The following SLC24A4 variants were observed in gnomAD, a reference collection of about 807,000 sequenced individuals.
The protein encoded by SLC24A4 is sodium/potassium/calcium exchanger 4.
SLC24A4 carries 53 observed loss-of-function variants against 79.0 expected under a neutral mutation model. The ratio of observed to expected loss-of-function variants is 0.67; its 90% confidence interval spans 0.54 to 0.84. The LOEUF (loss-of-function observed/expected upper bound fraction) is 0.84. SLC24A4 is among the 40% of genes least tolerant of loss of function. SLC24A4 has a pLI of 0.00. For synonymous variants in SLC24A4, 323 were observed against 323.8 expected (o/e 1.00, Z 0.03); for missense variants, 731 against 822.0 (o/e 0.89, Z 1.35).
At chr14:92,350,525 C>T (rs998876222) in intron 2 of SLC24A4, among the ~76,000 whole-genome samples, 6 of 152,098 alleles carry the variant, frequency 3.9e-5, no homozygotes, top group African/African-American at 1.4e-4. Flanking sequence ...CCCTAAGGAC[C>T]CCAGGATACA....
At chr14:92,447,283 G>C (rs959398389) in intron 8 of SLC24A4, 88 bp from the exon 9 acceptor site, 8 of 1,206,678 alleles carry the variant, frequency 6.6e-6, no homozygotes, top group Non-Finnish European at 7.3e-6. Flanking sequence ...AAGACATCCC[G>C]CCCTTCCCCA....
At chr14:92,366,939 C>T (rs1188886703) in intron 2 of SLC24A4, among the ~76,000 whole-genome samples, 1 of 152,164 alleles carries the variant, frequency 6.6e-6, no homozygotes, top group African/African-American at 2.4e-5. Flanking sequence ...AGGACTAGAA[C>T]GGGGTGTCTT....
chr14:92,491,059 C>T (rs1329781841), intron 14 of SLC24A4, among the ~76,000 whole-genome samples: 4 of 152,172 alleles, frequency 2.6e-5, no homozygotes, highest in Non-Finnish European at 4.4e-5. Context: ...ACACATTGTT[C>T]GAGTCACCCC....
At chr14:92,464,788 C>A (rs1467065803) in intron 12 of SLC24A4, among the ~76,000 whole-genome samples, 1 of 152,252 alleles carries the variant, frequency 6.6e-6, no homozygotes, top group South Asian at 2.1e-4. Context: ...CGTCCCCTTA[C>A]ACGGGCGTTG....
At chr14:92,448,434 C>T (rs936688899) in intron 9 of SLC24A4, among the ~76,000 whole-genome samples, 4 of 150,094 alleles carry the variant, frequency 2.7e-5, no homozygotes, top group East Asian at 2.0e-4. Flanking sequence ...CCTCATACCG[C>T]GATACGTAAT....
At chr14:92,417,874 G>A (rs1029036326) in intron 2 of SLC24A4, among the ~76,000 whole-genome samples, 4 of 152,206 alleles carry the variant, frequency 2.6e-5, no homozygotes, top group African/African-American at 9.7e-5. Flanking sequence ...ATCTAGGATT[G>A]TGTAAGTGTA....
chr14:92,416,387 A>G (rs1157211250), intron 2 of SLC24A4, among the ~76,000 whole-genome samples: 1 of 152,166 alleles, frequency 6.6e-6, no homozygotes, highest in East Asian at 1.9e-4. Flanking sequence ...GGAAATGGTG[A>G]TCAGGTGGCT....
intron 2 of SLC24A4, among the ~76,000 whole-genome samples, chr14:92,428,376 T>C (rs1352340080): frequency 6.6e-6 from 1 of 152,190 alleles, no homozygotes; most frequent in African/African-American, 2.4e-5. Flanking sequence ...AGGACTGGGC[T>C]GTATGACCCT....
chr14:92,370,325 G>T (rs1420549930), intron 2 of SLC24A4, among the ~76,000 whole-genome samples: 2 of 152,176 alleles, frequency 1.3e-5, no homozygotes, highest in African/African-American at 4.8e-5. Flanking sequence ...TTTCGAGTCT[G>T]GCCTCTGTGG....
intron 12 of SLC24A4, among the ~76,000 whole-genome samples, chr14:92,474,577 C>T (rs976945319): frequency 2.0e-5 from 3 of 151,360 alleles, no homozygotes; most frequent in African/African-American, 4.9e-5. Flanking sequence ...CTCCACATCC[C>T]GGATTCAAGC....
Position 92,398,759 on chromosome 14 carries a change from A to G in SLC24A4, c.242-35153A>G, listed in dbSNP as rs924889876. ...GGAAATTACCAGCATGTCCTCTCAAACACCTCCTGCCCTCAGTGGAAACCC... is the reference window on the plus strand; with the variant it reads ...GGAAATTACCAGCATGTCCTCTCAAGCACCTCCTGCCCTCAGTGGAAACCC... On this transcript the variant is annotated intron_variant, in intron 2 of 16. Coordinates refer to ENST00000532405, the MANE Select transcript of SLC24A4 (RefSeq NM_153646.4). This position sits in a 1 kb window ranked among gnomAD's most constrained non-coding sequence, Gnocchi z 4.1. Among the ~76,000 whole-genome samples the G allele has an allele frequency of 6.6e-6, 1 of 152,086 alleles. No homozygotes were observed. Among genetic ancestry groups the G allele is most frequent in the Non-Finnish European group, 1.5e-5 (1 of 68,006 alleles).
chr14:92,428,720 G>T (rs1188095967), intron 2 of SLC24A4, among the ~76,000 whole-genome samples: 1 of 152,220 alleles, frequency 6.6e-6, no homozygotes, highest in Non-Finnish European at 1.5e-5. Context: ...GGTCACATGG[G>T]CAGAAGAGGG....
Position 92,456,577 on chromosome 14 carries a change from GGCTGACT to G in SLC24A4, c.1225_1231del (p.Ala409SerfsTer65). 6.2e-7 allele frequency: 1 copy of G among 1,613,918 alleles called. No homozygotes were observed. Among genetic ancestry groups the G allele is most frequent in the Non-Finnish European group, 8.5e-7 (1 of 1,179,936 alleles). ...CACCGCCAGAGCCAGAGCCGGTGGA[GGCTGACT>G]TCCTGTCCCCCTTCTCCGTGCCGGG... On this transcript the variant is annotated frameshift_variant, in exon 12 of 17. Coordinates refer to ENST00000532405, the MANE Select transcript of SLC24A4 (RefSeq NM_153646.4). LOFTEE classifies it high-confidence loss of function.
intron 13 of SLC24A4, among the ~76,000 whole-genome samples, chr14:92,483,365 A>G (rs1319349250): frequency 7.2e-5 from 11 of 152,146 alleles, no homozygotes; most frequent in Non-Finnish European, 1.6e-4. Context: ...TATTATCTCC[A>G]TCTAACGAAT....
chr14:92,439,029 G>A (rs990874075), intron 3 of SLC24A4, among the ~76,000 whole-genome samples: 1 of 152,214 alleles, frequency 6.6e-6, no homozygotes, highest in Non-Finnish European at 1.5e-5. Context: ...CGAGAATTGT[G>A]TGCCAGAAAC....
intron 12 of SLC24A4, among the ~76,000 whole-genome samples, chr14:92,464,008 A>C (rs1893960975): frequency 6.6e-6 from 1 of 152,212 alleles, no homozygotes; most frequent in Non-Finnish European, 1.5e-5. Context: ...TGAATATTCC[A>C]TTGGATGGAT....
At chr14:92,443,539 C>T in intron 7 of SLC24A4, 65 bp downstream of exon 7, 2 of 1,489,950 alleles carry the variant, frequency 1.3e-6, no homozygotes, top group South Asian at 1.1e-5. Context: ...AGGACCCCTG[C>T]CCATCTCTGC....
At chr14:92,333,152 G>A (rs1885575867) in intron 2 of SLC24A4, among the ~76,000 whole-genome samples, 1 of 152,160 alleles carries the variant, frequency 6.6e-6, no homozygotes, top group Non-Finnish European at 1.5e-5. Context: ...AGAGTGCGCT[G>A]GTGCGATCTC....
intron 2 of SLC24A4, among the ~76,000 whole-genome samples, chr14:92,351,167 G>A (rs1290564492): frequency 6.6e-6 from 1 of 151,854 alleles, no homozygotes; most frequent in African/African-American, 2.4e-5. Flanking sequence ...TTCCTAATTA[G>A]GGCACCCAGT....
Sources: gnomAD v4.1 joint callset for allele counts (sites outside exome capture counted in the v4.1 genomes callset) on GRCh38, gnomAD v4.1.1 for gene constraint, Gnocchi (gnomAD v3.1) non-coding constraint, MANE v1.5 for transcripts, NCBI Gene and HGNC (gene_info 2026-07-23, HGNC 2026-07-21) for gene names.